Variants in CAMKV observed in about 807,000 individuals in gnomAD.
CAMKV encodes the protein caM kinase-like vesicle-associated protein.
Under a neutral mutation model 50.2 loss-of-function variants are expected in CAMKV, and 5 were observed. The ratio of observed to expected loss-of-function variants is 0.10; its 90% confidence interval spans 0.05 to 0.21. The LOEUF (loss-of-function observed/expected upper bound fraction) is 0.21. Among genes scored for constraint, CAMKV ranks in the 10% least tolerant of loss-of-function variants. CAMKV has a pLI of 1.00. For synonymous variants in CAMKV, 229 were observed against 250.1 expected, an observed-to-expected ratio of 0.92 and a Z score of 0.80; for missense variants, 361 against 650.5, an observed-to-expected ratio of 0.55 and a Z score of 4.84.
intron 1 of CAMKV, among the ~76,000 whole-genome samples, chr3:49,864,515 G>C (rs1293133673): frequency 5.9e-5 from 9 of 152,120 alleles, no homozygotes; most frequent in Admixed American, 5.9e-4. Context: ...TGTAGTGCTA[G>C]GGGGGCTGAC....
At chr3:49,865,136 A>C (rs1029729169) in intron 1 of CAMKV, among the ~76,000 whole-genome samples, 1 of 152,370 alleles carries the variant, frequency 6.6e-6, no homozygotes, top group Non-Finnish European at 1.5e-5. Flanking sequence ...GCAGAGACAA[A>C]GGAGAGGCTT....
In CAMKV at chr3:49,862,672, A is replaced by T. The variant is rs772249445; in HGVS notation, c.-14-270T>A. Among the ~76,000 whole-genome samples the T allele has an allele frequency of 6.6e-6, 1 of 152,252 alleles. No individual in the cohort carries two copies. Among genetic ancestry groups the T allele is most frequent in the Non-Finnish European group, 1.5e-5 (1 of 68,046 alleles). On this transcript the variant is annotated intron_variant, in intron 1 of 10. Transcript: ENST00000477224. The surrounding 1 kb of genome is among the most constrained non-coding windows in gnomAD (Gnocchi z 5.2). Reference sequence around the variant, plus strand: ...AAGGGAATAGTTTTGTATTCTATACATTCAAAAAAAAGGCTTATCAAACAG... The same window carrying T: ...AAGGGAATAGTTTTGTATTCTATACTTTCAAAAAAAAGGCTTATCAAACAG...
Position 49,859,558 on chromosome 3 carries a change from A to G in CAMKV, c.1266T>C (p.Thr422=). 1 of 1,613,996 alleles carries G rather than the reference A, an allele frequency of 6.2e-7. No individual in the cohort carries two copies. The highest frequency in any genetic ancestry group is 8.5e-7 in the Non-Finnish European group (1 of 1,179,970). The change falls in exon 11 of 11, where the codon ACT becomes ACC. Residue 422 remains threonine, a synonymous_variant. Coordinates refer to ENST00000477224, the MANE Select transcript of CAMKV (RefSeq NM_024046.5). The surrounding 1 kb of genome is among the most constrained non-coding windows in gnomAD (Gnocchi z 5.5). ...CAGTGGCTGGAGTAGCGCTCCTGTC[A>G]GTGGCTGGGGTGACACTCCCATCAG... ...PATDGSVTPA[T]DRSATPATDG...
At chr3:49,866,722 C>A (rs1202152540) in intron 1 of CAMKV, among the ~76,000 whole-genome samples, 1 of 152,186 alleles carries the variant, frequency 6.6e-6, no homozygotes, top group African/African-American at 2.4e-5. Context: ...TCCAGCAATC[C>A]TGAGGGGTCC....
At position 49,861,461 on chromosome 3, in the gene CAMKV, T is replaced by C; in HGVS notation, c.419A>G (p.Lys140Arg). ...LEAVAYLHSL[K>R]IVHRNLKLEN... ...CACCTTGAGATTCCTGTGCACGATCTTGAGTGAGTGCAAATAGGCCACGGC... is the reference window on the plus strand; with the variant it reads ...CACCTTGAGATTCCTGTGCACGATCCTGAGTGAGTGCAAATAGGCCACGGC... Residue 140 changes from lysine to arginine, a missense_variant, in exon 5 of 11, where the codon AAG becomes AGG. Around this residue, in one of 4 missense-constraint regions of CAMKV, gnomAD observed 172 missense variants for 414.3 expected, o/e 0.42. Transcript: ENST00000477224. The surrounding 1 kb of genome is among the most constrained non-coding windows in gnomAD (Gnocchi z 7.7). 1 of 1,614,176 alleles carries C rather than the reference T, an allele frequency of 6.2e-7. No homozygotes were observed. The highest frequency in any genetic ancestry group is 1.1e-5 in the South Asian group (1 of 91,088).
Position 49,860,012 on chromosome 3 carries a change from G to A in CAMKV, c.943-131C>T. ...CCACCCCAGGGCCAAGTACTCAGCTGCTCAGCACTCCTACTTAAGGTAATC... is the reference window on the plus strand; with the variant it reads ...CCACCCCAGGGCCAAGTACTCAGCTACTCAGCACTCCTACTTAAGGTAATC... On this transcript the variant is annotated intron_variant, in intron 10 of 10. Coordinates refer to ENST00000477224, the MANE Select transcript of CAMKV (RefSeq NM_024046.5). The surrounding 1 kb of genome is among the most constrained non-coding windows in gnomAD (Gnocchi z 6.1). 9.6e-7 allele frequency: 1 copy of A among 1,047,010 alleles called. No individual in the cohort carries two copies. Among genetic ancestry groups the A allele is most frequent in the Middle Eastern group, 2.4e-4 (1 of 4,238 alleles). The allele number at this position is 1,047,010 out of a possible 1,614,324, so 64.9% of individuals were successfully genotyped here.
At position 49,859,555 on chromosome 3, in the gene CAMKV, G is replaced by A. The variant is rs749490655; in HGVS notation, c.1269C>T (p.Asp423=). Residue 423 remains aspartate (D), a synonymous_variant, in exon 11 of 11, where the codon GAC becomes GAT. Transcript: ENST00000477224. The surrounding 1 kb of genome is among the most constrained non-coding windows in gnomAD (Gnocchi z 5.5). ...ATDGSVTPAT[D]RSATPATDGR... ...CATCAGTGGCTGGAGTAGCGCTCCT[G>A]TCAGTGGCTGGGGTGACACTCCCAT... 5.0e-6 allele frequency: 8 copies of A among 1,614,104 alleles called. No homozygotes were observed. The Admixed American group carries it at 5.0e-5, about 10-fold the overall frequency.
chr3:49,866,131 G>A (rs1251692425), intron 1 of CAMKV, among the ~76,000 whole-genome samples: 1 of 151,828 alleles, frequency 6.6e-6, no homozygotes, highest in Non-Finnish European at 1.5e-5. Context: ...ACCAGTCTAA[G>A]TATACTGGCT....
At position 49,867,871 on chromosome 3, in the gene CAMKV, G is replaced by T. The variant is rs527396724; in HGVS notation, c.-15+1887C>A. ...GGCAGGAAAGGGGAGGTGGACGGGA[G>T]TTCTGAAGGGGGCGGATGGGTGCCC... is the stretch of plus-strand genomic sequence containing the variant. On this transcript the variant is annotated intron_variant, in intron 1 of 10. Coordinates refer to ENST00000477224, the MANE Select transcript of CAMKV (RefSeq NM_024046.5). Among the ~76,000 whole-genome samples the T allele has an allele frequency of 2.8e-4, 43 of 152,340 alleles. No homozygotes were observed. In the South Asian group the frequency reaches 8.7e-3, roughly 31 times the overall value.
rs918852414 is a variant in CAMKV at position 49,869,361 on chromosome 3, T to G, written c.-15+397A>C. Among the ~76,000 whole-genome samples, 2 of 152,028 alleles carry G rather than the reference T, an allele frequency of 1.3e-5. No individual in the cohort carries two copies. Among genetic ancestry groups the G allele is most frequent in the African/African-American group, 4.8e-5 (2 of 41,398 alleles). ...GTCGCCCATAAAGAACTCTCCGTTG[T>G]CATGGAAATTAGTGACTGCTAAGCG... On this transcript the variant is annotated intron_variant, in intron 1 of 10. Transcript: ENST00000477224. This position sits in a 1 kb window ranked among gnomAD's most constrained non-coding sequence, Gnocchi z 5.2.
intron 1 of CAMKV, among the ~76,000 whole-genome samples, chr3:49,864,809 G>A (rs373915937): frequency 8.5e-5 from 13 of 152,230 alleles, no homozygotes; most frequent in African/African-American, 3.1e-4. Flanking sequence ...GGCACTCACA[G>A]CCTCAAGGTA....
chr3:49,862,440 C>T lies in CAMKV; in HGVS notation c.-14-38G>A, dbSNP rs765897928. ...TGGGGTCTGGCTTAGCTGTACTACT[C>T]TCCACTTCCCCACAACATAGGGGCT... On this transcript the variant is annotated intron_variant, in intron 1 of 10. Transcript: ENST00000477224. This position sits in a 1 kb window ranked among gnomAD's most constrained non-coding sequence, Gnocchi z 5.2. 4 of 1,554,028 alleles carry T rather than the reference C, an allele frequency of 2.6e-6. No homozygotes were observed. In the African/African-American group the frequency reaches 4.1e-5, roughly 16 times the overall value.
At position 49,859,992 on chromosome 3, in the gene CAMKV, C is replaced by A; in HGVS notation, c.943-111G>T. On this transcript the variant is annotated intron_variant, in intron 10 of 10. Coordinates refer to ENST00000477224, the MANE Select transcript of CAMKV (RefSeq NM_024046.5). The surrounding 1 kb of genome is among the most constrained non-coding windows in gnomAD (Gnocchi z 5.5). Reference sequence around the variant, plus strand: ...GTACCCCCGGCCACCTCCATCCACCCCAGGGCCAAGTACTCAGCTGCTCAG... The same window carrying A: ...GTACCCCCGGCCACCTCCATCCACCACAGGGCCAAGTACTCAGCTGCTCAG... 8.7e-7 allele frequency: 1 copy of A among 1,150,534 alleles called. No homozygotes were observed. Among genetic ancestry groups the A allele is most frequent in the African/African-American group, 1.5e-5 (1 of 64,782 alleles). 71.3% of individuals were successfully genotyped at this position (1,150,534 alleles called of 1,614,324 possible).
intron 1 of CAMKV, among the ~76,000 whole-genome samples, chr3:49,865,108 G>T (rs528774495): frequency 6.6e-6 from 1 of 152,244 alleles, no homozygotes; most frequent in Admixed American, 6.5e-5. Flanking sequence ...CAGGGTTTAA[G>T]CCATCTTGCG....
At position 49,860,622 on chromosome 3, in the gene CAMKV, G is replaced by A; in HGVS notation, c.776-73C>T. Reference sequence around the variant, plus strand: ...TGTCTAGAGGTGATAAATGGGCTGGGGGACAGAAGCAGAATACCACAGAGG... The same window carrying A: ...TGTCTAGAGGTGATAAATGGGCTGGAGGACAGAAGCAGAATACCACAGAGG... On this transcript the variant is annotated intron_variant, in intron 8 of 10. Coordinates refer to ENST00000477224, the MANE Select transcript of CAMKV (RefSeq NM_024046.5). This position sits in a 1 kb window ranked among gnomAD's most constrained non-coding sequence, Gnocchi z 6.1. 6.2e-7 allele frequency: 1 copy of A among 1,611,258 alleles called. No individual in the cohort carries two copies. The highest frequency in any genetic ancestry group is 8.5e-7 in the Non-Finnish European group (1 of 1,177,662).
chr3:49,858,223 AT>A lies in CAMKV; in HGVS notation c.*1094del. 2.5e-6 allele frequency: 1 copy of A among 398,578 alleles called. No individual in the cohort carries two copies. The highest frequency in any genetic ancestry group is 4.4e-6 in the Non-Finnish European group (1 of 226,048). 24.7% of individuals were successfully genotyped at this position (398,578 alleles called of 1,614,324 possible). On this transcript the variant is annotated 3_prime_UTR_variant, in exon 11 of 11. Transcript: ENST00000477224. The stretch of plus-strand genomic sequence containing the variant: ...CTGGGGAGTTTAACCCTACTTCCTC[AT>A]CCCAGAAAAAGCAACTCAATGTGGC...
intron 1 of CAMKV, among the ~76,000 whole-genome samples, chr3:49,866,256 C>T (rs1349948628): frequency 1.3e-5 from 2 of 152,206 alleles, no homozygotes; most frequent in African/African-American, 4.8e-5. Flanking sequence ...TCCACTGTTG[C>T]TCCCTGGGAG....
At position 49,859,528 on chromosome 3, in the gene CAMKV, C is replaced by G. The variant is rs1331444695; in HGVS notation, c.1296G>C (p.Gly432=). 3 of 1,613,946 alleles carry G rather than the reference C, an allele frequency of 1.9e-6. No homozygotes were observed. The highest frequency in any genetic ancestry group is 2.5e-6 in the Non-Finnish European group (3 of 1,179,984). ...TDRSATPATD[G]RATPATEEST... ...TCTCTTCTGTGGCTGGTGTGGCTCT[C>G]CCATCAGTGGCTGGAGTAGCGCTCC... The change falls in exon 11 of 11, where the codon GGG becomes GGC. Residue 432 remains glycine, a synonymous_variant. Coordinates refer to ENST00000477224, the MANE Select transcript of CAMKV (RefSeq NM_024046.5). The surrounding 1 kb of genome is among the most constrained non-coding windows in gnomAD (Gnocchi z 5.5).
At chr3:49,867,743 G>T (rs2082076131) in intron 1 of CAMKV, among the ~76,000 whole-genome samples, 1 of 152,058 alleles carries the variant, frequency 6.6e-6, no homozygotes, top group Non-Finnish European at 1.5e-5. Context: ...GAGATGGAGA[G>T]AATTTAGAAA....
Sources: allele counts gnomAD v4.1 joint callset (sites outside exome capture counted in the v4.1 genomes callset), GRCh38; gene constraint gnomAD v4.1.1; regional missense constraint gnomAD v4.1.1; non-coding constraint Gnocchi (gnomAD v3.1); transcripts MANE v1.5; gene names NCBI Gene and HGNC (gene_info 2026-07-23, HGNC 2026-07-21).